Variants in CCDC92B observed in about 807,000 individuals in gnomAD.
CCDC92B encodes the protein coiled-coil domain containing 92B.
Under a neutral mutation model 5.6 loss-of-function variants are expected in CCDC92B, and 2 were observed. That is an observed-to-expected ratio of 0.36 (90% CI 0.15 to 1.12). The LOEUF (loss-of-function observed/expected upper bound fraction) is 1.12, where lower values mean the gene tolerates loss of function less well. CCDC92B is among the 50% of genes most tolerant of loss of function. CCDC92B has a pLI of 0.40. For missense variants in CCDC92B, 271 were observed against 262.2 expected, an observed-to-expected ratio of 1.03 and a Z score of -0.23; for synonymous variants, 115 against 122.3, an observed-to-expected ratio of 0.94 and a Z score of 0.39.
At chr17:2,748,789 T>C (rs768492592) in intron 1 of CCDC92B, among the ~76,000 whole-genome samples, 5 of 152,248 alleles carry the variant, frequency 3.3e-5, no homozygotes, top group Non-Finnish European at 5.9e-5. Flanking sequence ...GATTCAGCCT[T>C]TGACAAATGT....
At position 2,724,720 on chromosome 17, in the gene CCDC92B, G is replaced by A; in HGVS notation, c.459C>T (p.Ala153=). ...QLHAARQRLQ[A]PRPGPGATAE... ...CGGTGGCGCCGGGGCCCGGGCGCGG[G>A]GCCTGCAGTCTCTGGCGCGCCGCGT... The change falls in exon 4 of 4, where the codon GCC becomes GCT. Residue 153 remains alanine, a synonymous_variant. Transcript: ENST00000614400. The surrounding 1 kb of genome is among the most constrained non-coding windows in gnomAD (Gnocchi z 5.0). 18 of 984,014 alleles carry A rather than the reference G, an allele frequency of 1.8e-5. No homozygotes were observed. The highest frequency in any genetic ancestry group is 2.2e-5 in the Non-Finnish European group (18 of 829,244). 61.0% of individuals were successfully genotyped at this position (984,014 alleles called of 1,614,324 possible).
intron 1 of CCDC92B, among the ~76,000 whole-genome samples, chr17:2,736,152 G>A (rs1449231976): frequency 6.6e-6 from 1 of 152,168 alleles, no homozygotes; most frequent in African/African-American, 2.4e-5. Flanking sequence ...AAGGCGGGCC[G>A]GGCGCGGTGG....
chr17:2,741,765 T>C (rs1047514371), intron 1 of CCDC92B, among the ~76,000 whole-genome samples: 4 of 150,952 alleles, frequency 2.6e-5, no homozygotes, highest in Non-Finnish European at 4.4e-5. Flanking sequence ...GCTAATTTTT[T>C]GTATTTTTAG....
At chr17:2,743,140 A>G (rs1002794438) in intron 1 of CCDC92B, among the ~76,000 whole-genome samples, 1 of 152,172 alleles carries the variant, frequency 6.6e-6, no homozygotes, top group Non-Finnish European at 1.5e-5. Context: ...TTTAACAAAT[A>G]TAAGTCGGGT....
chr17:2,733,743 G>GT (rs1567614345), intron 2 of CCDC92B, among the ~76,000 whole-genome samples: 51 of 81,526 alleles, frequency 6.3e-4, no homozygotes, highest in African/African-American at 2.1e-3. Flanking sequence ...AGGACCACTG[G>GT]CTTTTTTTTT....
chr17:2,735,504 C>G (rs1048993733), intron 1 of CCDC92B, among the ~76,000 whole-genome samples: 2 of 152,152 alleles, frequency 1.3e-5, no homozygotes, highest in Non-Finnish European at 2.9e-5. Context: ...GATCTTGGCT[C>G]ACTGCAACCT....
At chr17:2,734,176 G>T (rs1277537514) in intron 2 of CCDC92B, among the ~76,000 whole-genome samples, 1 of 152,024 alleles carries the variant, frequency 6.6e-6, no homozygotes, top group Non-Finnish European at 1.5e-5. Context: ...CCTTCATCTG[G>T]AATACTCTCT....
intron 1 of CCDC92B, 88 bp downstream of exon 1, chr17:2,749,323 C>T (rs1597249764): frequency 1.3e-5 from 2 of 152,228 alleles, no homozygotes; most frequent in East Asian, 2.0e-4. Flanking sequence ...GCCAGCCCTC[C>T]CGGGGGAGCT....
At chr17:2,743,475 A>G (rs1249921133) in intron 1 of CCDC92B, among the ~76,000 whole-genome samples, 6 of 152,162 alleles carry the variant, frequency 3.9e-5, no homozygotes, top group Non-Finnish European at 5.9e-5. Flanking sequence ...TGTCTCCCCA[A>G]ACCCCACTCA....
intron 3 of CCDC92B, among the ~76,000 whole-genome samples, chr17:2,726,335 G>A (rs951774758): frequency 2.2e-5 from 3 of 135,962 alleles, no homozygotes; most frequent in African/African-American, 7.6e-5. Flanking sequence ...CCGCCACCAT[G>A]CCTGGCTTAT....
chr17:2,749,082 G>T (rs905298696), intron 1 of CCDC92B, among the ~76,000 whole-genome samples: 16 of 152,348 alleles, frequency 1.1e-4, no homozygotes, highest in African/African-American at 2.6e-4. Context: ...CAGGGGTTGG[G>T]GGGGGGATGT....
rs1288614854 is a variant in CCDC92B at position 2,722,487 on chromosome 17, T to C, written c.*1924A>G. On this transcript the variant is annotated 3_prime_UTR_variant, in exon 4 of 4. Coordinates refer to ENST00000614400, the MANE Select transcript of CCDC92B (RefSeq NM_001355573.2). ...AGGCGTGGTTATTGCTCAGTGGTCT[T>C]GGGCAGTCCCGAGTGGCGTCAGCTG... 1 of 152,302 alleles carries C rather than the reference T, an allele frequency of 6.6e-6. No individual in the cohort carries two copies. Among genetic ancestry groups the C allele is most frequent in the Non-Finnish European group, 1.5e-5 (1 of 68,124 alleles). The allele number at this position is 152,302 out of a possible 1,614,324, so 9.4% of individuals were successfully genotyped here. A position where few individuals can be genotyped will look rare whatever the true frequency, so the allele number is the denominator to read the frequency against.
chr17:2,732,809 C>G (rs986909147), intron 2 of CCDC92B, among the ~76,000 whole-genome samples: 1 of 151,518 alleles, frequency 6.6e-6, no homozygotes, highest in Non-Finnish European at 1.5e-5. Flanking sequence ...GTCAGGAGAT[C>G]GAGACCATCC....
At position 2,735,062 on chromosome 17, in the gene CCDC92B, C is replaced by G; in HGVS notation, c.84G>C (p.Leu28=). Residue 28 remains leucine, a synonymous_variant, in exon 2 of 4, where the codon CTG becomes CTC. Coordinates refer to ENST00000614400, the MANE Select transcript of CCDC92B (RefSeq NM_001355573.2). ...TCAGGATCTCCAGGTGCAGGTCTCG[C>G]AGCAGGGCCATCTGCTCCTTTTTCA... The part of the protein sequence containing the change: ...SFLKKEQMAL[L]RDLHLEILRL... 3.0e-6 allele frequency: 3 copies of G among 985,552 alleles called. No individual in the cohort carries two copies. The highest frequency in any genetic ancestry group is 3.6e-6 in the Non-Finnish European group (3 of 830,016). The allele number at this position is 985,552 out of a possible 1,614,324, so 61.1% of individuals were successfully genotyped here. A position where few individuals can be genotyped will look rare whatever the true frequency, so the allele number is the denominator to read the frequency against.
At chr17:2,729,739 A>G (rs1010635994) in intron 3 of CCDC92B, among the ~76,000 whole-genome samples, 1 of 152,218 alleles carries the variant, frequency 6.6e-6, no homozygotes, top group Non-Finnish European at 1.5e-5. Context: ...GCAGATCTTT[A>G]GAACTTTTTA....
chr17:2,742,901 C>T (rs1228653742), intron 1 of CCDC92B, among the ~76,000 whole-genome samples: 2 of 152,330 alleles, frequency 1.3e-5, no homozygotes, highest in Non-Finnish European at 1.5e-5. Context: ...ACTTGGGAGT[C>T]ATGTTTGATT....
At position 2,749,430 on chromosome 17, in the gene CCDC92B, C is replaced by T. The variant is rs1365605922; in HGVS notation, c.-43G>A. 4 of 151,700 alleles carry T rather than the reference C, an allele frequency of 2.6e-5. No individual in the cohort carries two copies. Among genetic ancestry groups the T allele is most frequent in the Admixed American group, 1.3e-4 (2 of 15,238 alleles). 9.4% of individuals were successfully genotyped at this position (151,700 alleles called of 1,614,324 possible). On this transcript the variant is annotated 5_prime_UTR_variant, in exon 1 of 4. The change creates a new upstream start codon in the 5' untranslated region. Coordinates refer to ENST00000614400, the MANE Select transcript of CCDC92B (RefSeq NM_001355573.2). ...CCTCACCTTCGGGACCTGGGAGTCA[C>T]CGGCCGGCGGGGCCCTGGGTCCGGG...
chr17:2,747,415 A>G (rs992284864), intron 1 of CCDC92B, among the ~76,000 whole-genome samples: 1 of 152,156 alleles, frequency 6.6e-6, no homozygotes, highest in Non-Finnish European at 1.5e-5. Context: ...TAGGACAAGC[A>G]TGGCGATAAG....
chr17:2,729,576 A>G (rs1278348724), intron 3 of CCDC92B, among the ~76,000 whole-genome samples: 2 of 152,084 alleles, frequency 1.3e-5, no homozygotes, highest in African/African-American at 4.8e-5. Flanking sequence ...GGTAACACTC[A>G]GTCCTAGTTC....
Sources: gnomAD v4.1 joint callset for allele counts (sites outside exome capture counted in the v4.1 genomes callset) on GRCh38, gnomAD v4.1.1 for gene constraint, Gnocchi (gnomAD v3.1) non-coding constraint, MANE v1.5 for transcripts, NCBI Gene and HGNC (gene_info 2026-07-23, HGNC 2026-07-21) for gene names.